EFNB2: variants seen among roughly 807,000 people sequenced by gnomAD.
EFNB2 encodes the protein ephrin B2.
In EFNB2, 5 loss-of-function variants were observed where a neutral mutation model predicts 32.1. That is an observed-to-expected ratio of 0.16 (90% CI 0.08 to 0.33). EFNB2 has a LOEUF of 0.33. EFNB2 is among the 10% of genes least tolerant of loss of function. The pLI, the probability that EFNB2 is intolerant of heterozygous loss-of-function variation, is 1.00. For synonymous variants in EFNB2, 168 were observed against 166.5 expected, an observed-to-expected ratio of 1.01 and a Z score of -0.07; for missense variants, 263 against 422.6, an observed-to-expected ratio of 0.62 and a Z score of 3.31.
At chr13:106,523,236 A>G (rs1347428943) in intron 1 of EFNB2, among the ~76,000 whole-genome samples, 1 of 152,152 alleles carries the variant, frequency 6.6e-6, no homozygotes, top group East Asian at 1.9e-4. Context: ...GCTACCATCA[A>G]AAGGAAGCAA....
At chr13:106,530,718 T>TC (rs1277454268) in intron 1 of EFNB2, among the ~76,000 whole-genome samples, 1 of 152,188 alleles carries the variant, frequency 6.6e-6, no homozygotes, top group African/African-American at 2.4e-5. Flanking sequence ...TCGAATAGTT[T>TC]CCCATTAGGT....
At position 106,518,924 on chromosome 13, in the gene EFNB2, G is replaced by T. The variant is rs1879407372; in HGVS notation, c.123-6112C>A. The T allele has an allele frequency of 1.3e-5, 2 of 152,206 alleles. No individual in the cohort carries two copies. Among genetic ancestry groups the T allele is most frequent in the Non-Finnish European group, 2.9e-5 (2 of 68,058 alleles). The allele number at this position is 152,206 out of a possible 1,614,324, so 9.4% of individuals were successfully genotyped here. A position where few individuals can be genotyped will look rare whatever the true frequency, so the allele number is the denominator to read the frequency against. Reference sequence around the variant, plus strand: ...CCAAATCGCTGGGGGGCCACTTGATGCTGCTGTAGTCTCTGAAAATACATG... The same window carrying T: ...CCAAATCGCTGGGGGGCCACTTGATTCTGCTGTAGTCTCTGAAAATACATG... On this transcript the variant is annotated intron_variant, in intron 1 of 4. Transcript: ENST00000646441. The surrounding 1 kb of genome is among the most constrained non-coding windows in gnomAD (Gnocchi z 4.1).
chr13:106,511,559 A>G (rs1380937584), intron 2 of EFNB2, among the ~76,000 whole-genome samples: 2 of 152,200 alleles, frequency 1.3e-5, no homozygotes, highest in Non-Finnish European at 2.9e-5. Flanking sequence ...AGAGTCTCCT[A>G]CCTAAAGTTT....
At chr13:106,527,255 TATAA>T (rs933738856) in intron 1 of EFNB2, among the ~76,000 whole-genome samples, 53 of 151,738 alleles carry the variant, frequency 3.5e-4, no homozygotes, top group African/African-American at 1.2e-3. Context: ...AAATTAGTAA[TATAA>T]ATAAATAATT....
intron 1 of EFNB2, among the ~76,000 whole-genome samples, chr13:106,513,805 G>T (rs955956406): frequency 6.6e-6 from 1 of 152,072 alleles, no homozygotes; most frequent in African/African-American, 2.4e-5. Context: ...AAATATTAAA[G>T]CCTAAGAACA....
chr13:106,512,402 G>GGGC (rs1566459256), intron 2 of EFNB2, 127 bp downstream of exon 2: 2 of 585,492 alleles, frequency 3.4e-6, no homozygotes, highest in African/African-American at 2.4e-5. Context: ...AGGGGGGGGG[G>GGGC]ACAATTTTTC....
intron 1 of EFNB2, among the ~76,000 whole-genome samples, chr13:106,521,907 T>C (rs1223516697): frequency 1.3e-5 from 2 of 152,150 alleles, no homozygotes; most frequent in Non-Finnish European, 2.9e-5. Flanking sequence ...ATTAATCATC[T>C]AGAAATCTAA....
Position 106,493,228 on chromosome 13 carries a change from G to C in EFNB2, c.814C>G (p.Leu272Val), listed in dbSNP as rs1481927436. 6.2e-7 allele frequency: 1 copy of C among 1,614,120 alleles called. No individual in the cohort carries two copies. Among genetic ancestry groups the C allele is most frequent in the African/African-American group, 1.3e-5 (1 of 74,938 alleles). ...QHTTTLSLST[L>V]ATPKRSGNNN... ...TTGCCGCTGCGCTTGGGTGTGGCCA[G>C]TGTGCTGAGCGACAGCGTGGTCGTG... Residue 272 changes from leucine to valine, a missense_variant, in exon 5 of 5, where the codon CTG becomes GTG. Leu to Val is a conservative substitution (Grantham distance 32, BLOSUM62 1). This residue lies in a region of EFNB2 where 172 missense variants were observed against 237.1 expected (regional missense o/e 0.73). Transcript: ENST00000646441. The surrounding 1 kb of genome is among the most constrained non-coding windows in gnomAD (Gnocchi z 6.1).
intron 2 of EFNB2, among the ~76,000 whole-genome samples, chr13:106,505,430 T>C (rs1258401748): frequency 1.3e-5 from 2 of 152,148 alleles, no homozygotes; most frequent in East Asian, 3.9e-4. Flanking sequence ...GTTTCAGCTT[T>C]CTCACAGTGA....
At chr13:106,532,605 T>C (rs1044046335) in intron 1 of EFNB2, among the ~76,000 whole-genome samples, 2 of 152,256 alleles carry the variant, frequency 1.3e-5, no homozygotes, top group African/African-American at 4.8e-5. Flanking sequence ...TTCTGATCTC[T>C]GGAGCTAGCA....
In EFNB2 at chr13:106,526,505, AAG is replaced by A. The variant is rs536229062; in HGVS notation, c.122+8336_122+8337del. Among the ~76,000 whole-genome samples, 58 of 152,270 alleles carry A rather than the reference AAG, an allele frequency of 3.8e-4. 1 individual carries two copies. In the South Asian group the frequency reaches 0.012, roughly 30 times the overall value. On this transcript the variant is annotated intron_variant, in intron 1 of 4. Transcript: ENST00000646441. ...GAGATCACTCTTGATCTAGGTCATA[AAG>A]AGAGAGAACATGTCTAGGAGAAATC...
chr13:106,512,904 A>G, intron 1 of EFNB2, 92 bp from the exon 2 acceptor site: 1 of 1,137,608 alleles, frequency 8.8e-7, no homozygotes, highest in East Asian at 2.4e-5. Flanking sequence ...CCATAATCCC[A>G]AACTACACAT....
chr13:106,525,723 C>T (rs1393617424), intron 1 of EFNB2, among the ~76,000 whole-genome samples: 1 of 152,196 alleles, frequency 6.6e-6, no homozygotes, highest in African/African-American at 2.4e-5. Flanking sequence ...GCACCAAGCA[C>T]CTAACTCTAA....
chr13:106,534,733 C>T, intron 1 of EFNB2, 110 bp downstream of exon 1: 2 of 1,322,754 alleles, frequency 1.5e-6, no homozygotes, highest in South Asian at 1.5e-5. Context: ...GACGGGGAAC[C>T]GAGGTTCCAG....
chr13:106,521,419 T>C (rs1468943469), intron 1 of EFNB2: 1 of 152,156 alleles, frequency 6.6e-6, no homozygotes, highest in Non-Finnish European at 1.5e-5. Flanking sequence ...TAAACTACAG[T>C]CTAAAGGAAA....
At chr13:106,529,084 A>G (rs1307968778) in intron 1 of EFNB2, among the ~76,000 whole-genome samples, 1 of 152,198 alleles carries the variant, frequency 6.6e-6, no homozygotes, top group Non-Finnish European at 1.5e-5. Flanking sequence ...TGGGAAAGAC[A>G]AAACTCACAG....
chr13:106,531,627 A>AT (rs1879874723), intron 1 of EFNB2, among the ~76,000 whole-genome samples: 1 of 152,208 alleles, frequency 6.6e-6, no homozygotes, highest in African/African-American at 2.4e-5. Flanking sequence ...ATTGTAGTTT[A>AT]TTTTATCAAT....
intron 1 of EFNB2, among the ~76,000 whole-genome samples, chr13:106,524,597 C>T (rs1299370860): frequency 6.6e-6 from 1 of 152,202 alleles, no homozygotes; most frequent in African/African-American, 2.4e-5. Context: ...ACAACGTCCA[C>T]CAGTTAAGCA....
At chr13:106,533,781 C>A (rs561296404) in intron 1 of EFNB2, among the ~76,000 whole-genome samples, 20 of 152,146 alleles carry the variant, frequency 1.3e-4, no homozygotes, top group Non-Finnish European at 2.8e-4. Context: ...TACTTCTTCT[C>A]CAAGTTTCCC....
Sources: allele counts gnomAD v4.1 joint callset (sites outside exome capture counted in the v4.1 genomes callset), GRCh38; gene constraint gnomAD v4.1.1; regional missense constraint gnomAD v4.1.1; non-coding constraint Gnocchi (gnomAD v3.1); transcripts MANE v1.5; gene names NCBI Gene and HGNC (gene_info 2026-07-23, HGNC 2026-07-21).